Variants in XKR6 observed in about 807,000 individuals in gnomAD.
XKR6 encodes the protein XK-related protein 6.
Under a neutral mutation model 56.7 loss-of-function variants are expected in XKR6, and 22 were observed. The observed-to-expected ratio is 0.39, with a 90% CI of 0.28 to 0.55. The LOEUF is 0.55. XKR6 is among the 20% of genes least tolerant of loss of function. XKR6 has a pLI of 0.66. For synonymous variants in XKR6, 524 were observed against 387.8 expected, an observed-to-expected ratio of 1.35 and a Z score of -4.13; for missense variants, 852 against 889.0, an observed-to-expected ratio of 0.96 and a Z score of 0.53.
At chr8:10,904,399 C>T (rs953405592) in intron 2 of XKR6, among the ~76,000 whole-genome samples, 2 of 152,188 alleles carry the variant, frequency 1.3e-5, no homozygotes. Context: ...CATCTTATGA[C>T]CGATGACACA....
At chr8:11,029,818 A>G (rs549467835) in intron 1 of XKR6, among the ~76,000 whole-genome samples, 70 of 151,888 alleles carry the variant, frequency 4.6e-4, no homozygotes, top group African/African-American at 1.5e-3. Flanking sequence ...CTAATTTTCA[A>G]TTCTCAATTT....
At chr8:11,192,110 G>C (rs1397930400) in intron 1 of XKR6, among the ~76,000 whole-genome samples, 1 of 152,106 alleles carries the variant, frequency 6.6e-6, no homozygotes, top group Admixed American at 6.5e-5. Flanking sequence ...TTGAGGCCAA[G>C]AGTTCAAAAC....
At chr8:11,112,632 A>T (rs2129180196) in intron 1 of XKR6, among the ~76,000 whole-genome samples, 1 of 152,312 alleles carries the variant, frequency 6.6e-6, no homozygotes, top group African/African-American at 2.4e-5. Flanking sequence ...ATAAAACAAC[A>T]CATCAGGAGA....
intron 1 of XKR6, among the ~76,000 whole-genome samples, chr8:11,089,010 G>C (rs1036056223): frequency 6.6e-6 from 1 of 152,170 alleles, no homozygotes; most frequent in African/African-American, 2.4e-5. Context: ...GCTTTGAAAG[G>C]GGTGTCATAT....
At chr8:11,039,675 T>A (rs947786239) in intron 1 of XKR6, among the ~76,000 whole-genome samples, 13 of 152,150 alleles carry the variant, frequency 8.5e-5, no homozygotes, top group African/African-American at 3.1e-4. Context: ...GCCCACGCCC[T>A]CCACAAGGAC....
intron 1 of XKR6, among the ~76,000 whole-genome samples, chr8:10,945,845 G>A (rs932844154): frequency 2.0e-5 from 3 of 152,134 alleles, no homozygotes; most frequent in Admixed American, 6.5e-5. Context: ...TGGGTGGTGT[G>A]CAGAGCAGCT....
intron 1 of XKR6, among the ~76,000 whole-genome samples, chr8:11,153,943 A>C (rs1414030146): frequency 1.3e-5 from 2 of 152,148 alleles, no homozygotes; most frequent in Non-Finnish European, 2.9e-5. Context: ...TATTCTTCCT[A>C]ATTGGTCTCT....
intron 1 of XKR6, among the ~76,000 whole-genome samples, chr8:11,164,445 C>T (rs1411346146): frequency 6.6e-6 from 1 of 152,160 alleles, no homozygotes; most frequent in Non-Finnish European, 1.5e-5. Flanking sequence ...AAGTCTTCTC[C>T]CCTATGGGTT....
intron 1 of XKR6, among the ~76,000 whole-genome samples, chr8:11,056,024 A>G (rs1313924061): frequency 2.6e-5 from 4 of 152,120 alleles, no homozygotes; most frequent in Non-Finnish European, 4.4e-5. Context: ...GTCTCGATTC[A>G]GGATTCCTCT....
intron 1 of XKR6, among the ~76,000 whole-genome samples, chr8:11,039,306 AG>A (rs1193465517): frequency 1.3e-5 from 2 of 152,162 alleles, no homozygotes; most frequent in Admixed American, 6.5e-5. Context: ...GCAACACCAG[AG>A]GGGGGATTGA....
chr8:11,184,861 C>T (rs1201520466), intron 1 of XKR6, among the ~76,000 whole-genome samples: 2 of 152,118 alleles, frequency 1.3e-5, no homozygotes, highest in Non-Finnish European at 2.9e-5. Flanking sequence ...TCATCTGAAT[C>T]CATCCCCAGG....
intron 1 of XKR6, among the ~76,000 whole-genome samples, chr8:10,927,522 T>C (rs548691595): frequency 2.0e-5 from 3 of 152,244 alleles, no homozygotes; most frequent in Admixed American, 6.5e-5. Flanking sequence ...GGAACGGTTA[T>C]ATGGCAGCAC....
chr8:11,145,928 A>G (rs1417401450), intron 1 of XKR6, among the ~76,000 whole-genome samples: 1 of 152,196 alleles, frequency 6.6e-6, no homozygotes, highest in Non-Finnish European at 1.5e-5. Context: ...GAGGACTTAC[A>G]TGACTTCAAG....
At chr8:11,150,851 T>A (rs548421781) in intron 1 of XKR6, among the ~76,000 whole-genome samples, 124 of 58,784 alleles carry the variant, frequency 2.1e-3, no homozygotes, top group African/African-American at 0.012. Flanking sequence ...AGACTCCATC[T>A]CAAAAAAAAA....
In XKR6 at chr8:11,111,106, G is replaced by A. The variant is rs570541396; in HGVS notation, c.764+89470C>T. Among the ~76,000 whole-genome samples the A allele has an allele frequency of 8.4e-4, 125 of 149,486 alleles. 2 individuals are homozygous for A. The highest frequency in any genetic ancestry group is 3.5e-3 in the Middle Eastern group (1 of 282). On this transcript the variant is annotated intron_variant, in intron 1 of 2. Coordinates refer to ENST00000416569, the MANE Select transcript of XKR6 (RefSeq NM_173683.4). Reference sequence around the variant, plus strand: ...CCTGACCTCGTGATCTGCCCGCCTCGGCCTCCCAAAGTGCTGGCATTACAG... The same window carrying A: ...CCTGACCTCGTGATCTGCCCGCCTCAGCCTCCCAAAGTGCTGGCATTACAG...
chr8:11,178,911 C>G (rs1802820739), intron 1 of XKR6, among the ~76,000 whole-genome samples: 1 of 151,544 alleles, frequency 6.6e-6, no homozygotes, highest in African/African-American at 2.4e-5. Context: ...GGCACAATCA[C>G]AGCTCACTGC....
chr8:11,051,650 C>A (rs1467373089), intron 1 of XKR6, among the ~76,000 whole-genome samples: 1 of 152,138 alleles, frequency 6.6e-6, no homozygotes, highest in Non-Finnish European at 1.5e-5. Context: ...CGGCTTCTCC[C>A]TTCTCATCTC....
intron 1 of XKR6, among the ~76,000 whole-genome samples, chr8:11,152,054 G>A (rs1038264658): frequency 3.3e-5 from 5 of 152,154 alleles, no homozygotes; most frequent in East Asian, 1.9e-4. Context: ...AAAACAAAGC[G>A]GTCCCTTTTT....
chr8:11,120,800 C>G (rs939728205), intron 1 of XKR6, among the ~76,000 whole-genome samples: 5 of 152,176 alleles, frequency 3.3e-5, no homozygotes, highest in Non-Finnish European at 7.3e-5. Context: ...TACGAGGCTA[C>G]AGTCACCAAA....
Sources: gnomAD v4.1 joint callset for allele counts (sites outside exome capture counted in the v4.1 genomes callset) on GRCh38, gnomAD v4.1.1 for gene constraint, MANE v1.5 for transcripts, NCBI Gene and HGNC (gene_info 2026-07-23, HGNC 2026-07-21) for gene names.